The following THOC2 variants were observed in gnomAD, a reference collection of about 807,000 sequenced individuals.
THOC2 encodes the protein THO complex 2.
In THOC2, 10 loss-of-function variants were observed where a neutral mutation model predicts 128.4. That is an observed-to-expected ratio of 0.08 (90% CI 0.05 to 0.13). The LOEUF (loss-of-function observed/expected upper bound fraction) is 0.13, where lower values mean the gene tolerates loss of function less well. Among genes scored for constraint, THOC2 ranks in the 10% least tolerant of loss-of-function variants. The probability of loss-of-function intolerance (pLI) is 1.00; values close to 1 mark genes in which losing one functional copy is unlikely to be tolerated. For missense variants in THOC2, 535 were observed against 1,155.7 expected (o/e 0.46, Z 7.79); for synonymous variants, 393 against 396.9 (o/e 0.99, Z 0.12).
At chrX:123,711,707 C>T (rs972835414) in intron 2 of THOC2, among the ~76,000 whole-genome samples, 1 of 110,207 alleles carries the variant, frequency 9.1e-6, no homozygotes, top group African/African-American at 3.3e-5. Context: ...CGTTTGAACC[C>T]GGGAGGCAGA....
At chrX:123,723,893 C>T (rs1233565358) in intron 1 of THOC2, among the ~76,000 whole-genome samples, 1 of 111,144 alleles carries the variant, frequency 9.0e-6, no homozygotes, top group African/African-American at 3.3e-5. Flanking sequence ...AAGGTTTGAT[C>T]GGGAACAAAC....
At chrX:123,689,773 T>A (rs916010854) in intron 7 of THOC2, among the ~76,000 whole-genome samples, 1 of 111,885 alleles carries the variant, frequency 8.9e-6, no homozygotes, top group South Asian at 3.7e-4. Context: ...CTAGTTCATA[T>A]ACAGTGAGAC....
At position 123,640,427 on chromosome X, in the gene THOC2, A is replaced by T. The variant is rs2047868080; in HGVS notation, c.1746+111T>A. ...TATATTGTGTAGTAATTTTGTTTTT[A>T]GCATAACCTTACAATGTTTCATTTT... On this transcript the variant is annotated intron_variant, in intron 16 of 38. Transcript: ENST00000245838. 3 of 512,407 alleles carry T rather than the reference A, an allele frequency of 5.9e-6. No individual in the cohort carries two copies. In the African/African-American group the frequency reaches 7.1e-5, roughly 12 times the overall value. The allele number at this position is 512,407 out of a possible 1,213,427, so 42.2% of individuals were successfully genotyped here.
chrX:123,654,415 AAT>A (rs1266856337), intron 12 of THOC2, among the ~76,000 whole-genome samples: 12 of 106,474 alleles, frequency 1.1e-4, no homozygotes, highest in East Asian at 5.8e-4. Context: ...AATAATAATA[AAT>A]ATATATATAT....
chrX:123,694,434 G>A (rs144897444), intron 7 of THOC2, among the ~76,000 whole-genome samples: 5,317 of 109,571 alleles, frequency 0.049, 151 homozygotes, highest in Non-Finnish European at 0.073. Context: ...GGCCAACATG[G>A]CAAAACTCCA....
At chrX:123,729,207 C>G (rs2052126668) in intron 1 of THOC2, among the ~76,000 whole-genome samples, 1 of 111,988 alleles carries the variant, frequency 8.9e-6, no homozygotes, top group South Asian at 3.7e-4. Context: ...CTTTGCCCTT[C>G]TGATCCCTCT....
rs1395641776 is a variant in THOC2 at position 123,626,174 on chromosome X, A to G, written c.2900-105T>C. ...ACCTTTAGTGAAGAGAATACTATAA[A>G]CCACAAACTATTTATAGTTTGTAAC... On this transcript the variant is annotated intron_variant, in intron 24 of 38. Transcript: ENST00000245838. The G allele has an allele frequency of 3.3e-5, 18 of 544,545 alleles. No individual in the cohort carries two copies. The East Asian group carries it at 6.4e-4, about 19-fold the overall frequency. The allele number at this position is 544,545 out of a possible 1,213,427, so 44.9% of individuals were successfully genotyped here. A position where few individuals can be genotyped will look rare whatever the true frequency, so the allele number is the denominator to read the frequency against.
At chrX:123,614,271 A>G (rs182172729) in intron 33 of THOC2, 82 bp from the exon 34 acceptor site, 1 of 832,688 alleles carries the variant, frequency 1.2e-6, no homozygotes, top group East Asian at 3.4e-5. Context: ...ATGAAACACA[A>G]TTGGGAATTA....
At chrX:123,719,409 AACTCTT>A (rs2051588126) in intron 1 of THOC2, among the ~76,000 whole-genome samples, 1 of 110,331 alleles carries the variant, frequency 9.1e-6, no homozygotes, top group Admixed American at 9.8e-5. Flanking sequence ...GATAAAAGGG[AACTCTT>A]GCCAAGCGTG....
chrX:123,696,454 A>G (rs1234485990), intron 6 of THOC2, among the ~76,000 whole-genome samples: 1 of 111,614 alleles, frequency 9.0e-6, no homozygotes, highest in Non-Finnish European at 1.9e-5. Flanking sequence ...GTATAGCCAC[A>G]GTCATAAATT....
At position 123,709,585 on chromosome X, in the gene THOC2, T is replaced by A. The variant is rs953503326; in HGVS notation, c.131-2636A>T. On this transcript the variant is annotated intron_variant, in intron 2 of 38. Coordinates refer to ENST00000245838, the MANE Select transcript of THOC2 (RefSeq NM_001081550.2). ...CAGCCTGGGCGATAGAGCGGGAGAC[T>A]CTGTCTCAAAAAAAAGGCCCCGAGA... Among the ~76,000 whole-genome samples, 2 of 111,456 alleles carry A rather than the reference T, an allele frequency of 1.8e-5. 1 individual carries two copies. Among genetic ancestry groups the A allele is most frequent in the South Asian group, 7.6e-4 (2 of 2,629 alleles).
chrX:123,666,317 T>C (rs1172524362), intron 11 of THOC2, among the ~76,000 whole-genome samples: 1 of 111,969 alleles, frequency 8.9e-6, no homozygotes, highest in Non-Finnish European at 1.9e-5. Flanking sequence ...CTAGGGTATG[T>C]AGAATGTGGT....
intron 7 of THOC2, among the ~76,000 whole-genome samples, chrX:123,686,962 G>A (rs1329275371): frequency 8.9e-6 from 1 of 111,861 alleles, no homozygotes; most frequent in Non-Finnish European, 1.9e-5. Context: ...TCCAGGACCA[G>A]TGATACCAGT....
At chrX:123,691,907 G>A (rs1401556189) in intron 7 of THOC2, among the ~76,000 whole-genome samples, 1 of 111,932 alleles carries the variant, frequency 8.9e-6, no homozygotes, top group Non-Finnish European at 1.9e-5. Context: ...CATTTTATTG[G>A]CACACAGTCA....
chrX:123,697,915 A>G (rs886969104), intron 4 of THOC2, among the ~76,000 whole-genome samples, 164 bp from the exon 5 acceptor site: 8 of 111,741 alleles, frequency 7.2e-5, no homozygotes, highest in Non-Finnish European at 1.5e-4. Flanking sequence ...GAATGCTTTA[A>G]TTTCTCCTAA....
intron 12 of THOC2, among the ~76,000 whole-genome samples, chrX:123,659,724 A>C (rs1297906032): frequency 8.9e-6 from 1 of 112,547 alleles, no homozygotes; most frequent in Non-Finnish European, 1.9e-5. Context: ...ACAAATAACT[A>C]TAGGGCTGGA....
chrX:123,629,130 C>A (rs1023533985), intron 22 of THOC2, among the ~76,000 whole-genome samples: 2 of 105,266 alleles, frequency 1.9e-5, no homozygotes, highest in African/African-American at 3.5e-5. Context: ...TATACACACA[C>A]AAAAATATAT....
At chrX:123,726,531 C>T (rs1394566621) in intron 1 of THOC2, among the ~76,000 whole-genome samples, 1 of 104,739 alleles carries the variant, frequency 9.5e-6, no homozygotes, top group Non-Finnish European at 2.0e-5. Context: ...AAAAAAAAAA[C>T]TTCTCCTTAT....
At chrX:123,682,104 A>C (rs2049812407) in intron 8 of THOC2, among the ~76,000 whole-genome samples, 1 of 112,445 alleles carries the variant, frequency 8.9e-6, no homozygotes, top group South Asian at 3.7e-4. Flanking sequence ...AAAACCGTAA[A>C]CTATAGTATT....
Sources: allele counts gnomAD v4.1 joint callset (sites outside exome capture counted in the v4.1 genomes callset), GRCh38; gene constraint gnomAD v4.1.1; transcripts MANE v1.5; gene names NCBI Gene and HGNC (gene_info 2026-07-23, HGNC 2026-07-21).